Variants in SCP2 observed in about 807,000 individuals in gnomAD.
SCP2 encodes SCP-2/3-oxoacyl-CoA thiolase.
SCP2 carries 48 observed loss-of-function variants against 71.4 expected under a neutral mutation model. That is an observed-to-expected ratio of 0.67 (90% confidence interval 0.53 to 0.86). SCP2 has a LOEUF of 0.86. SCP2 is among the 40% of genes least tolerant of loss of function. SCP2 has a pLI of 0.00. For synonymous variants in SCP2, 220 were observed against 218.1 expected (o/e 1.01, Z -0.08); for missense variants, 560 against 655.6 (o/e 0.85, Z 1.59).
rs115250103 is a variant in SCP2, at chr1:52,948,912, A to T, written c.199+832A>T. 9.6e-3 allele frequency among the ~76,000 whole-genome samples: 1,461 copies of T among 151,620 alleles called. 29 individuals carry two copies. The highest frequency in any genetic ancestry group is 0.033 in the African/African-American group (1,382 of 41,404). On this transcript the variant is annotated intron_variant, in intron 3 of 15. Coordinates refer to ENST00000371514, the MANE Select transcript of SCP2 (RefSeq NM_002979.5). ...TATAACTGAAAGTTTGTACCATTTG[A>T]CTAACATCTCTCTGTTTCCCCCAAC...
chr1:52,927,406 T>C lies in SCP2; in HGVS notation c.10T>C (p.Ser4Pro). 1 of 1,596,088 alleles carries C rather than the reference T, an allele frequency of 6.3e-7. No individual in the cohort carries two copies. Among genetic ancestry groups the C allele is most frequent in the Non-Finnish European group, 8.5e-7 (1 of 1,172,536 alleles). Residue 4 changes from serine to proline, a missense_variant, in exon 1 of 16, where the codon TCC (serine) becomes CCC (proline). Transcript: ENST00000371514. The part of the protein sequence containing the change: MSS[S>P]PWEPATLRRV... ...CCGCACTGGTGCAGCCATGTCCTCT[T>C]CCCCGTGGGAGCCTGCGACCCTGCG...
chr1:52,946,228 C>T (rs1044961653), intron 2 of SCP2, among the ~76,000 whole-genome samples: 1 of 150,652 alleles, frequency 6.6e-6, no homozygotes, highest in Non-Finnish European at 1.5e-5. Context: ...TATGCCTGGC[C>T]TCTTTTTTTT....
intron 12 of SCP2, among the ~76,000 whole-genome samples, chr1:53,024,302 A>G (rs2150240614): frequency 6.6e-6 from 1 of 152,256 alleles, no homozygotes; most frequent in South Asian, 2.1e-4. Context: ...AGGGGTTGGA[A>G]GCAGGGGGGA....
intron 1 of SCP2, among the ~76,000 whole-genome samples, chr1:52,940,623 T>C (rs557933420): frequency 3.0e-4 from 45 of 152,216 alleles, no homozygotes; most frequent in Non-Finnish European, 5.4e-4. Context: ...AGGATGGTTG[T>C]GAGGATTAAA....
rs767971892 is a variant in SCP2 at position 53,050,736 on chromosome 1, G to A, written c.*32G>A. On this transcript the variant is annotated 3_prime_UTR_variant, in exon 16 of 16. Transcript: ENST00000371514. ...CCCTTTGGCTACTTTTGAAAATCAA[G>A]ATGAGATATATAGATATATATCCAT... The A allele has an allele frequency of 3.7e-6, 5 of 1,366,848 alleles. No individual in the cohort carries two copies. The highest frequency in any genetic ancestry group is 2.3e-5 in the East Asian group (1 of 43,746). 84.7% of individuals were successfully genotyped at this position (1,366,848 alleles called of 1,614,324 possible).
At chr1:53,037,055 C>T (rs1021389630) in intron 13 of SCP2, among the ~76,000 whole-genome samples, 3 of 151,940 alleles carry the variant, frequency 2.0e-5, no homozygotes, top group Non-Finnish European at 2.9e-5. Flanking sequence ...GAGAATCGCT[C>T]GAACCCAGGA....
chr1:52,989,183 A>G (rs1261275528), intron 11 of SCP2, among the ~76,000 whole-genome samples: 1 of 152,234 alleles, frequency 6.6e-6, no homozygotes, highest in African/African-American at 2.4e-5. Context: ...AAACAATCTA[A>G]TATCTTTCAA....
At chr1:52,957,551 CAT>C (rs1295276056) in intron 5 of SCP2, among the ~76,000 whole-genome samples, 2 of 152,202 alleles carry the variant, frequency 1.3e-5, no homozygotes, top group African/African-American at 2.4e-5. Flanking sequence ...TGATATTTTA[CAT>C]GTTACTTTTT....
At chr1:53,039,172 A>G in intron 14 of SCP2, 126 bp downstream of exon 14, 1 of 1,197,894 alleles carries the variant, frequency 8.3e-7, no homozygotes, top group Non-Finnish European at 1.2e-6. Context: ...GAACCAGTAA[A>G]TTCCAGGGAA....
chr1:53,036,019 C>CAAAA (rs35164089), intron 13 of SCP2, among the ~76,000 whole-genome samples: 49 of 63,186 alleles, frequency 7.8e-4, no homozygotes, highest in African/African-American at 2.1e-3. Context: ...GACTCCGTCT[C>CAAAA]AAAAAAAAAA....
chr1:52,995,209 AC>A lies in SCP2; in HGVS notation c.1081+7076del. 3 of 499,202 alleles carry A rather than the reference AC, an allele frequency of 6.0e-6. No individual in the cohort carries two copies. The Admixed American group carries it at 6.6e-5, about 11-fold the overall frequency. 30.9% of individuals were successfully genotyped at this position (499,202 alleles called of 1,614,324 possible). ...AGAGTGCCCTGATTGCATCATGAAC[AC>A]CCTCAGTGTGGTGCCTCCACCCAAA... On this transcript the variant is annotated intron_variant, in intron 11 of 15. Transcript: ENST00000371514.
chr1:52,950,539 T>G (rs1655194655), intron 3 of SCP2, among the ~76,000 whole-genome samples: 1 of 152,332 alleles, frequency 6.6e-6, no homozygotes, highest in African/African-American at 2.4e-5. Context: ...CTTCTCTACC[T>G]CTGTATTATA....
chr1:52,958,409 T>C (rs1034194976), intron 5 of SCP2, among the ~76,000 whole-genome samples: 5 of 152,094 alleles, frequency 3.3e-5, no homozygotes, highest in Non-Finnish European at 7.4e-5. Flanking sequence ...TTGTGTATTT[T>C]TAGTAGAGAC....
chr1:53,037,508 G>A (rs965347770), intron 13 of SCP2, among the ~76,000 whole-genome samples: 1 of 148,270 alleles, frequency 6.7e-6, no homozygotes, highest in Non-Finnish European at 1.5e-5. Context: ...AGGAAAGGCT[G>A]GGAATGAAGG....
chr1:53,008,183 C>T (rs982911754), intron 11 of SCP2, among the ~76,000 whole-genome samples: 5 of 152,134 alleles, frequency 3.3e-5, no homozygotes, highest in African/African-American at 4.8e-5. Flanking sequence ...GATTCACAGC[C>T]GAATTCTACC....
chr1:53,046,675 T>G (rs1391440290), intron 14 of SCP2, among the ~76,000 whole-genome samples: 4 of 152,202 alleles, frequency 2.6e-5, no homozygotes, highest in African/African-American at 9.7e-5. Flanking sequence ...CTGCCACCTG[T>G]TTAAAATAAT....
At chr1:52,992,225 A>G (rs1292745751) in intron 11 of SCP2, among the ~76,000 whole-genome samples, 4 of 151,918 alleles carry the variant, frequency 2.6e-5, no homozygotes, top group Non-Finnish European at 5.9e-5. Context: ...AACAGTGAGA[A>G]TTAAATACTT....
At chr1:52,999,476 T>C (rs556279538) in intron 11 of SCP2, among the ~76,000 whole-genome samples, 16 of 152,292 alleles carry the variant, frequency 1.1e-4, no homozygotes, top group Admixed American at 6.5e-4. Flanking sequence ...GAACTCAGTA[T>C]TGGGGAATTA....
At chr1:53,044,018 G>T (rs1663613615) in intron 14 of SCP2, among the ~76,000 whole-genome samples, 1 of 151,852 alleles carries the variant, frequency 6.6e-6, no homozygotes, top group Non-Finnish European at 1.5e-5. Flanking sequence ...TTGTTTCAGT[G>T]ATTTAATACT....
Sources: gnomAD v4.1 joint callset for allele counts (sites outside exome capture counted in the v4.1 genomes callset) on GRCh38, gnomAD v4.1.1 for gene constraint, MANE v1.5 for transcripts, NCBI Gene and HGNC (gene_info 2026-07-23, HGNC 2026-07-21) for gene names.